PIAS4: variants seen among roughly 807,000 people sequenced by gnomAD.
PIAS4 encodes the protein protein inhibitor of activated STAT 4.
A neutral mutation model predicts 58.0 loss-of-function variants in PIAS4; 7 were observed. That is an observed-to-expected ratio of 0.12 (90% CI 0.07 to 0.23). The LOEUF is 0.23. Ranked by LOEUF, PIAS4 falls within the 10% of genes least tolerant of loss-of-function variation. The pLI is 1.00. For missense variants in PIAS4, 550 were observed against 709.5 expected, an observed-to-expected ratio of 0.78 and a Z score of 2.55; for synonymous variants, 364 against 312.4, an observed-to-expected ratio of 1.17 and a Z score of -1.74.
chr19:4,015,844 G>T (rs767865092), intron 2 of PIAS4, among the ~76,000 whole-genome samples: 1 of 152,244 alleles, frequency 6.6e-6, no homozygotes, highest in Non-Finnish European at 1.5e-5. Context: ...CCAGGATGGA[G>T]ACCGCGCCAG....
intron 4 of PIAS4, 99 bp downstream of exon 4, chr19:4,028,286 C>CTGT: frequency 5.7e-6 from 6 of 1,045,400 alleles, no homozygotes; most frequent in South Asian, 1.4e-5. Context: ...GTCTCCCCTG[C>CTGT]TAACAGCAGA....
intron 2 of PIAS4, chr19:4,017,845 A>G (rs564703250): frequency 3.3e-5 from 5 of 152,214 alleles, no homozygotes; most frequent in African/African-American, 9.6e-5. Flanking sequence ...AGCTAATTTT[A>G]TGTACTTTTA....
intron 7 of PIAS4, among the ~76,000 whole-genome samples, chr19:4,031,080 C>T (rs966696384): frequency 6.6e-5 from 10 of 152,102 alleles, no homozygotes; most frequent in African/African-American, 9.7e-5. Flanking sequence ...GAGGGTCTTC[C>T]AGCTGCCCCT....
Position 4,028,789 on chromosome 19 carries a change from C to T in PIAS4, c.742C>T (p.Leu248Phe), listed in dbSNP as rs1195857562. Residue 248 changes from leucine to phenylalanine, a missense_variant, in exon 6 of 11, where the codon CTC (leucine) becomes TTC (phenylalanine). By Grantham distance (22) the Leu-to-Phe change is conservative. Transcript: ENST00000262971. ...GTGCCGCCCCATCAACCTCACCCAC[C>T]TCATGTACCTGTCCTCGGCCACCAA... Reference protein sequence around the residue: ...RPCRPINLTHLMYLSSATNRI... With the variant: ...RPCRPINLTHFMYLSSATNRI... The T allele has an allele frequency of 3.7e-6, 6 of 1,613,548 alleles. No homozygotes were observed. The highest frequency in any genetic ancestry group is 1.1e-5 in the South Asian group (1 of 91,090).
In PIAS4 at chr19:4,037,230, TG is replaced by T; in HGVS notation, c.1143-142del. 9.5e-7 allele frequency: 1 copy of T among 1,048,010 alleles called. No individual in the cohort carries two copies. Among genetic ancestry groups the T allele is most frequent in the Non-Finnish European group, 1.3e-6 (1 of 747,602 alleles). 64.9% of individuals were successfully genotyped at this position (1,048,010 alleles called of 1,614,324 possible). ...GGCGGGGGAGGGAATGCGGGGTCCCTGGACCCCTGCGGTCGGGGTGGTGAGG... is the reference window on the plus strand; with the variant it reads ...GGCGGGGGAGGGAATGCGGGGTCCCTGACCCCTGCGGTCGGGGTGGTGAGG... On this transcript the variant is annotated intron_variant, in intron 9 of 10. Transcript: ENST00000262971. This position sits in a 1 kb window ranked among gnomAD's most constrained non-coding sequence, Gnocchi z 5.8.
intron 1 of PIAS4, among the ~76,000 whole-genome samples, chr19:4,011,169 G>T (rs535619588): frequency 6.6e-6 from 1 of 152,194 alleles, no homozygotes; most frequent in Non-Finnish European, 1.5e-5. Flanking sequence ...AGGGTCTTTC[G>T]AGTGGAGTTT....
intron 9 of PIAS4, among the ~76,000 whole-genome samples, chr19:4,034,169 G>C (rs896372248): frequency 5.3e-5 from 8 of 152,218 alleles, no homozygotes; most frequent in African/African-American, 4.8e-5. Context: ...GCTCCTGCCC[G>C]GCGCCGACCG....
chr19:4,017,299 C>T (rs977920904), intron 2 of PIAS4, among the ~76,000 whole-genome samples: 16 of 152,142 alleles, frequency 1.1e-4, no homozygotes, highest in Admixed American at 6.5e-5. Context: ...CCCCTGTGGC[C>T]CCCTGCCCTG....
intron 1 of PIAS4, among the ~76,000 whole-genome samples, chr19:4,010,438 G>A (rs2039981965): frequency 6.6e-6 from 1 of 152,366 alleles, no homozygotes; most frequent in South Asian, 2.1e-4. Flanking sequence ...TCCCTGCTAA[G>A]GCTTTGGGCC....
chr19:4,035,440 G>A lies in PIAS4; in HGVS notation c.1142+1860G>A, dbSNP rs553401175. On this transcript the variant is annotated intron_variant, in intron 9 of 10. Transcript: ENST00000262971. Reference sequence around the variant, plus strand: ...CAGAACCAGGGCCTGCCTCCAGTTGGCCTTGTGGCCTCAGGGAACTCGTTC... The same window carrying A: ...CAGAACCAGGGCCTGCCTCCAGTTGACCTTGTGGCCTCAGGGAACTCGTTC... Among the ~76,000 whole-genome samples the A allele has an allele frequency of 3.9e-5, 6 of 152,272 alleles. No individual in the cohort carries two copies. The South Asian group carries it at 8.3e-4, about 21-fold the overall frequency.
intron 1 of PIAS4, among the ~76,000 whole-genome samples, chr19:4,010,307 G>A (rs1455964402): frequency 3.3e-5 from 5 of 152,274 alleles, no homozygotes; most frequent in South Asian, 2.1e-4. Flanking sequence ...CGGGAGCTGC[G>A]GCTCCACTGT....
chr19:4,030,803 C>T (rs188073289), intron 7 of PIAS4, among the ~76,000 whole-genome samples: 94 of 152,266 alleles, frequency 6.2e-4, no homozygotes, highest in Admixed American at 2.7e-3. Flanking sequence ...TTGAGGGCAC[C>T]TGGACATCTC....
chr19:4,020,581 G>A (rs2040099447), intron 2 of PIAS4, among the ~76,000 whole-genome samples: 2 of 152,224 alleles, frequency 1.3e-5, no homozygotes, highest in Admixed American at 6.5e-5. Flanking sequence ...CATTACACAA[G>A]TGATAGCAGG....
rs1022021488 is a variant in PIAS4 at position 4,030,216 on chromosome 19, A to G, written c.907+1180A>G. On this transcript the variant is annotated intron_variant, in intron 7 of 10. Coordinates refer to ENST00000262971, the MANE Select transcript of PIAS4 (RefSeq NM_015897.4). ...GAGCTCAAGCAGTGCACCTGCCTCA[A>G]TCTCCCAAAGTGCTGGGATTACAGT... is the stretch of plus-strand genomic sequence containing the variant. Among the ~76,000 whole-genome samples the G allele has an allele frequency of 1.5e-4, 23 of 149,602 alleles. 1 individual carries two copies. Among genetic ancestry groups the G allele is most frequent in the Non-Finnish European group, 3.3e-4 (22 of 67,470 alleles).
In PIAS4 at chr19:4,013,004, G is replaced by A. The variant is rs778494339; in HGVS notation, c.109G>A (p.Glu37Lys). 6.2e-7 allele frequency: 1 copy of A among 1,613,666 alleles called. No homozygotes were observed. The highest frequency in any genetic ancestry group is 8.5e-7 in the Non-Finnish European group (1 of 1,179,970). The change falls in exon 2 of 11, where the codon GAG becomes AAG. Residue 37 changes from glutamate (E) to lysine (K), a missense_variant. Physicochemically the swap from Glu to Lys is moderately conservative, Grantham distance 56. This residue lies in a region of PIAS4 where 42 missense variants were observed against 84.3 expected (regional missense o/e 0.50). Coordinates refer to ENST00000262971, the MANE Select transcript of PIAS4 (RefSeq NM_015897.4). The surrounding 1 kb of genome is among the most constrained non-coding windows in gnomAD (Gnocchi z 5.1). ...CCGGAGTAAGAGTGGACTGAAGCAC[G>A]AGCTCGTCACCAGGGCCCTCCAGCT... ...VGRSKSGLKH[E>K]LVTRALQLVQ... is the part of the protein sequence containing the mutation.
intron 1 of PIAS4, among the ~76,000 whole-genome samples, chr19:4,008,242 C>T (rs1178301525): frequency 6.6e-6 from 1 of 152,084 alleles, no homozygotes; most frequent in East Asian, 1.9e-4. Flanking sequence ...CCCAGGACTG[C>T]TATCTGGGTC....
In PIAS4 at chr19:4,028,495, C is replaced by T. The variant is rs1192744458; in HGVS notation, c.582-15C>T. On this transcript the variant is annotated splice_polypyrimidine_tract_variant and intron_variant, in intron 4 of 10. Transcript: ENST00000262971. Reference sequence around the variant, plus strand: ...GCGCCCCCTCCCCGCCCCATGGTCCCTGTTGTCGTTGCAGAATCTGTTACT... The same window carrying T: ...GCGCCCCCTCCCCGCCCCATGGTCCTTGTTGTCGTTGCAGAATCTGTTACT... The T allele has an allele frequency of 5.6e-6, 9 of 1,604,520 alleles. No homozygotes were observed. The African/African-American group carries it at 6.7e-5, about 12-fold the overall frequency.
Position 4,013,712 on chromosome 19 carries a change from G to A in PIAS4, c.454+363G>A, listed in dbSNP as rs796328954. ...CCAGGGCTGGAGCAGGCACATCCTTGTGTGGTGGCTGGCAGGCCTCAGCTC... is the reference window on the plus strand; with the variant it reads ...CCAGGGCTGGAGCAGGCACATCCTTATGTGGTGGCTGGCAGGCCTCAGCTC... On this transcript the variant is annotated intron_variant, in intron 2 of 10. Transcript: ENST00000262971. This position sits in a 1 kb window ranked among gnomAD's most constrained non-coding sequence, Gnocchi z 5.1. 4.6e-5 allele frequency among the ~76,000 whole-genome samples: 7 copies of A among 152,212 alleles called. No homozygotes were observed. The highest frequency in any genetic ancestry group is 1.7e-4 in the African/African-American group (7 of 41,528).
chr19:4,013,828 C>T lies in PIAS4; in HGVS notation c.454+479C>T, dbSNP rs1346822235. 6.6e-6 allele frequency among the ~76,000 whole-genome samples: 1 copy of T among 152,180 alleles called. No individual in the cohort carries two copies. Among genetic ancestry groups the T allele is most frequent in the Non-Finnish European group, 1.5e-5 (1 of 68,010 alleles). On this transcript the variant is annotated intron_variant, in intron 2 of 10. Coordinates refer to ENST00000262971, the MANE Select transcript of PIAS4 (RefSeq NM_015897.4). The surrounding 1 kb of genome is among the most constrained non-coding windows in gnomAD (Gnocchi z 5.1). ...CGTCCTCAGCCTGGTGGCTCCCTCACCCTAGGGTAGCGAGTGTGCACCTCC... is the reference window on the plus strand; with the variant it reads ...CGTCCTCAGCCTGGTGGCTCCCTCATCCTAGGGTAGCGAGTGTGCACCTCC...
Sources: allele counts gnomAD v4.1 joint callset (sites outside exome capture counted in the v4.1 genomes callset), GRCh38; gene constraint gnomAD v4.1.1; regional missense constraint gnomAD v4.1.1; non-coding constraint Gnocchi (gnomAD v3.1); transcripts MANE v1.5; gene names NCBI Gene and HGNC (gene_info 2026-07-23, HGNC 2026-07-21).